NBEA: variants seen among roughly 807,000 people sequenced by gnomAD.
NBEA encodes the protein neurobeachin, also known as lysosomal-trafficking regulator 2.
Under a neutral mutation model 343.4 loss-of-function variants are expected in NBEA, and 44 were observed. The ratio of observed to expected loss-of-function variants is 0.13; its 90% CI spans 0.10 to 0.16. NBEA has a LOEUF of 0.16. NBEA is among the 10% of genes least tolerant of loss of function. The probability of loss-of-function intolerance (pLI) is 1.00; values close to 1 mark genes in which losing one functional copy is unlikely to be tolerated. For synonymous variants in NBEA, 1,175 were observed against 1,238.7 expected (o/e 0.95, Z 1.08); for missense variants, 2,555 against 3,631.3 (o/e 0.70, Z 7.62).
At chr13:35,670,335 C>G (rs1003389096) in intron 58 of NBEA, among the ~76,000 whole-genome samples, 1 of 152,028 alleles carries the variant, frequency 6.6e-6, no homozygotes, top group African/African-American at 2.4e-5. Context: ...TCAGAAGGTA[C>G]CAGTGATTCA....
intron 41 of NBEA, among the ~76,000 whole-genome samples, chr13:35,488,977 C>G (rs1452129251): frequency 6.6e-6 from 1 of 151,484 alleles, no homozygotes; most frequent in Non-Finnish European, 1.5e-5. Flanking sequence ...TTGTAAAATA[C>G]AAAATACATT....
intron 1 of NBEA, among the ~76,000 whole-genome samples, chr13:35,003,099 C>A (rs188730791): frequency 1.3e-5 from 2 of 152,032 alleles, no homozygotes; most frequent in African/African-American, 4.8e-5. Context: ...GAAAATTATG[C>A]ATAGAAAAAC....
intron 41 of NBEA, among the ~76,000 whole-genome samples, chr13:35,543,168 C>A (rs942322176): frequency 4.6e-5 from 7 of 152,050 alleles, no homozygotes; most frequent in African/African-American, 1.7e-4. Flanking sequence ...AATAATTAAG[C>A]ATAAAAAATG....
intron 39 of NBEA, among the ~76,000 whole-genome samples, chr13:35,440,183 T>A (rs1266898496): frequency 6.6e-6 from 1 of 152,174 alleles, no homozygotes; most frequent in Non-Finnish European, 1.5e-5. Context: ...CCCAGCCCGA[T>A]AACTGATTAA....
intron 38 of NBEA, among the ~76,000 whole-genome samples, chr13:35,425,241 G>T (rs1366156982): frequency 6.6e-6 from 1 of 151,804 alleles, no homozygotes; most frequent in South Asian, 2.1e-4. Context: ...GTGATGTTAG[G>T]GTGTCAATTT....
intron 11 of NBEA, among the ~76,000 whole-genome samples, chr13:35,109,066 G>A (rs1805462031): frequency 6.6e-6 from 1 of 151,956 alleles, no homozygotes; most frequent in Admixed American, 6.6e-5. Flanking sequence ...TTATTTATCT[G>A]TAATTGTCTT....
chr13:35,580,718 G>C (rs1739140160), intron 45 of NBEA, among the ~76,000 whole-genome samples: 1 of 152,098 alleles, frequency 6.6e-6, no homozygotes, highest in African/African-American at 2.4e-5. Flanking sequence ...CAAATCACTT[G>C]CATTATGTTT....
chr13:35,479,500 C>T (rs2076032635), intron 41 of NBEA, among the ~76,000 whole-genome samples: 2 of 151,994 alleles, frequency 1.3e-5, no homozygotes, highest in African/African-American at 4.8e-5. Flanking sequence ...TGGAAATGAC[C>T]TATAGAGAGG....
In NBEA at chr13:35,196,158, T is replaced by C; in HGVS notation, c.5222T>C (p.Ile1741Thr). 6.2e-7 allele frequency: 1 copy of C among 1,613,662 alleles called. No individual in the cohort carries two copies. The highest frequency in any genetic ancestry group is 8.5e-7 in the Non-Finnish European group (1 of 1,179,734). The change falls in exon 31 of 59, where the codon ATC (isoleucine) becomes ACC (threonine). Residue 1741 changes from isoleucine (I) to threonine (T), a missense_variant. Physicochemically the swap from Ile to Thr is moderately conservative, Grantham distance 89. This residue lies in a region of NBEA where 270 missense variants were observed against 293.3 expected (regional missense o/e 0.92). Coordinates refer to ENST00000379939, the MANE Select transcript of NBEA (RefSeq NM_001385012.1). ...SISSISQTKG[I>T]NVKEILKSLV... ...TCTAGCATTAGTCAAACCAAAGGCA[T>C]CAATGTGAAGGAAATACTGAAAAGT...
At chr13:35,608,955 A>G (rs1002006209) in intron 48 of NBEA, among the ~76,000 whole-genome samples, 4 of 152,234 alleles carry the variant, frequency 2.6e-5, no homozygotes, top group Non-Finnish European at 5.9e-5. Context: ...CCAGTATGCC[A>G]GCTACCTCTG....
At chr13:35,187,751 A>C (rs1190949666) in intron 30 of NBEA, among the ~76,000 whole-genome samples, 1 of 152,104 alleles carries the variant, frequency 6.6e-6, no homozygotes, top group East Asian at 1.9e-4. Flanking sequence ...AATTTCTAGT[A>C]GTATTTAGAG....
intron 10 of NBEA, among the ~76,000 whole-genome samples, chr13:35,071,949 G>C (rs1020014304): frequency 5.3e-5 from 8 of 152,010 alleles, no homozygotes; most frequent in African/African-American, 1.9e-4. Flanking sequence ...ATAGTGTAAA[G>C]GTTGGAGTTT....
intron 30 of NBEA, among the ~76,000 whole-genome samples, chr13:35,195,275 G>A (rs1463251675): frequency 6.6e-6 from 1 of 152,114 alleles, no homozygotes; most frequent in Non-Finnish European, 1.5e-5. Context: ...AATTGTTATA[G>A]GAACTATTTC....
intron 1 of NBEA, among the ~76,000 whole-genome samples, chr13:34,998,060 G>A (rs2060998010): frequency 1.3e-5 from 2 of 152,224 alleles, no homozygotes; most frequent in South Asian, 4.1e-4. Flanking sequence ...TTCTGTAAGT[G>A]TTGGCCGGTC....
intron 40 of NBEA, among the ~76,000 whole-genome samples, chr13:35,457,795 A>G (rs1055559902): frequency 6.6e-6 from 1 of 152,080 alleles, no homozygotes; most frequent in African/African-American, 2.4e-5. Flanking sequence ...TCTCCAGCAG[A>G]GATGGGGTTT....
chr13:35,601,625 G>A (rs1201910617), intron 47 of NBEA, among the ~76,000 whole-genome samples: 1 of 151,722 alleles, frequency 6.6e-6, no homozygotes, highest in African/African-American at 2.4e-5. Context: ...AGCCAGGTGT[G>A]GTGGCACACG....
At chr13:35,350,347 A>G (rs2040124492) in intron 37 of NBEA, among the ~76,000 whole-genome samples, 1 of 152,132 alleles carries the variant, frequency 6.6e-6, no homozygotes, top group African/African-American at 2.4e-5. Context: ...TTCCCTAAGG[A>G]GTCCTTTTAG....
At chr13:35,510,346 T>A (rs2077230200) in intron 41 of NBEA, among the ~76,000 whole-genome samples, 1 of 152,216 alleles carries the variant, frequency 6.6e-6, no homozygotes, top group Admixed American at 6.5e-5. Flanking sequence ...TTGACATAGT[T>A]TTGCATTTTT....
intron 12 of NBEA, among the ~76,000 whole-genome samples, chr13:35,110,052 A>ATTTTTTTTTTTTTTTTTTTTTTT (rs1566299499): frequency 2.0e-4 from 18 of 89,236 alleles, no homozygotes; most frequent in South Asian, 3.7e-4. Context: ...TTTTTTTTTT[A>ATTTTTTTTTTTTTTTTTTTTTTT]AATGTTTTTT....
Sources: gnomAD v4.1 joint callset for allele counts (sites outside exome capture counted in the v4.1 genomes callset) on GRCh38, gnomAD v4.1.1 for gene constraint, gnomAD v4.1.1 regional missense constraint, MANE v1.5 for transcripts, NCBI Gene and HGNC (gene_info 2026-07-23, HGNC 2026-07-21) for gene names.